SAMSN1: variants seen among roughly 807,000 people sequenced by gnomAD.
The protein encoded by SAMSN1 is SAM domain, SH3 domain and nuclear localization signals 1.
Under a neutral mutation model 42.0 loss-of-function variants are expected in SAMSN1, and 31 were observed. That is an observed-to-expected ratio of 0.74 (90% CI 0.55 to 1.00). SAMSN1 has a LOEUF of 1.00. Ranked by LOEUF, SAMSN1 falls within the 50% of genes least tolerant of loss-of-function variation. SAMSN1 has a pLI of 0.00. For missense variants in SAMSN1, 464 were observed against 439.4 expected (o/e 1.06, Z -0.50); for synonymous variants, 178 against 151.9 (o/e 1.17, Z -1.26).
At chr21:14,558,006 T>C (rs1266202183) in intron 2 of SAMSN1, among the ~76,000 whole-genome samples, 1 of 152,206 alleles carries the variant, frequency 6.6e-6, no homozygotes, top group Non-Finnish European at 1.5e-5. Flanking sequence ...AGCCTTCATG[T>C]CACCTCCACA....
intron 2 of SAMSN1, among the ~76,000 whole-genome samples, chr21:14,623,356 T>C (rs1983067304): frequency 6.6e-6 from 1 of 152,144 alleles, no homozygotes; most frequent in Non-Finnish European, 1.5e-5. Flanking sequence ...CCCATCAGCG[T>C]CAGTGTGCTG....
upstream of SAMSN1, among the ~76,000 whole-genome samples, chr21:14,549,204 A>G (rs193284480): frequency 3.1e-4 from 47 of 152,270 alleles, no homozygotes; most frequent in Non-Finnish European, 5.6e-4. Flanking sequence ...CAAAGCATAG[A>G]TAGAAGGAAA....
intron 1 of SAMSN1, among the ~76,000 whole-genome samples, chr21:14,525,385 A>G (rs1978777777): frequency 6.6e-6 from 1 of 152,214 alleles, no homozygotes; most frequent in Admixed American, 6.5e-5. Flanking sequence ...GTCGGAAAAA[A>G]TACAGACAAG....
At chr21:14,577,201 G>T (rs1196346512) in intron 2 of SAMSN1, among the ~76,000 whole-genome samples, 1 of 127,462 alleles carries the variant, frequency 7.8e-6, no homozygotes, top group East Asian at 2.3e-4. Context: ...GATTACAGGT[G>T]CATGTCACCA....
At chr21:14,554,698 C>CTTTTTTTT (rs34880996) in intron 2 of SAMSN1, among the ~76,000 whole-genome samples, 2 of 130,518 alleles carry the variant, frequency 1.5e-5, no homozygotes, top group Non-Finnish European at 3.2e-5. Flanking sequence ...TTTTCTTTTT[C>CTTTTTTTT]TTTTTTTTTT....
At chr21:14,498,337 C>A in intron 7 of SAMSN1, 105 bp downstream of exon 7, 1 of 928,102 alleles carries the variant, frequency 1.1e-6, no homozygotes. Context: ...GGAAAGCGTG[C>A]TTTCATGATC....
chr21:14,521,246 A>T (rs760344), intron 1 of SAMSN1, 25 bp from the exon 2 acceptor site: 228,759 of 1,550,558 alleles, frequency 0.15, 18,283 homozygotes, highest in African/African-American at 0.29. Context: ...AGAAAAAGCA[A>T]AGGAAACTTA....
At chr21:14,599,017 C>G (rs1356038584) in intron 6 of SAMSN1, among the ~76,000 whole-genome samples, 3 of 152,138 alleles carry the variant, frequency 2.0e-5, no homozygotes, top group Non-Finnish European at 2.9e-5. Flanking sequence ...CTGTTGTCTT[C>G]CAAGACCATA....
intron 1 of SAMSN1, among the ~76,000 whole-genome samples, chr21:14,529,737 A>G (rs188481898): frequency 7.4e-4 from 113 of 152,368 alleles, no homozygotes; most frequent in African/African-American, 2.5e-3. Flanking sequence ...TTATATTCAT[A>G]TACAAAATAA....
chr21:14,618,418 C>G (rs976579590), intron 2 of SAMSN1, among the ~76,000 whole-genome samples: 1 of 152,140 alleles, frequency 6.6e-6, no homozygotes, highest in African/African-American at 2.4e-5. Context: ...AATAATAGGT[C>G]TATTCCCTCG....
At chr21:14,636,986 C>T (rs1376117081) in intron 2 of SAMSN1, among the ~76,000 whole-genome samples, 1 of 152,178 alleles carries the variant, frequency 6.6e-6, no homozygotes, top group East Asian at 1.9e-4. Flanking sequence ...TATACTTTAA[C>T]ATCTATACTT....
intron 3 of SAMSN1, among the ~76,000 whole-genome samples, chr21:14,514,295 T>C (rs2822711): frequency 0.52 from 79,380 of 151,922 alleles, 21,086 homozygotes; most frequent in African/African-American, 0.61. Context: ...GCATTTCCTG[T>C]CATAAATCTG....
At chr21:14,631,705 C>A (rs558715829) in intron 2 of SAMSN1, among the ~76,000 whole-genome samples, 39 of 152,258 alleles carry the variant, frequency 2.6e-4, no homozygotes, top group African/African-American at 9.4e-4. Context: ...CTTCCTCCCC[C>A]CAATTTTGTG....
At chr21:14,628,471 G>A (rs1396551203) in intron 2 of SAMSN1, among the ~76,000 whole-genome samples, 1 of 151,970 alleles carries the variant, frequency 6.6e-6, no homozygotes, top group Non-Finnish European at 1.5e-5. Flanking sequence ...AAAGTTCATA[G>A]ACTAATTTTT....
upstream of SAMSN1, chr21:14,546,360 G>A: frequency 6.5e-7 from 1 of 1,533,284 alleles, no homozygotes; most frequent in Non-Finnish European, 8.7e-7. Context: ...CATCAGATAA[G>A]GTTGAGCCCA....
chr21:14,614,990 C>G (rs1982799618), intron 3 of SAMSN1, among the ~76,000 whole-genome samples: 2 of 152,108 alleles, frequency 1.3e-5, no homozygotes, highest in South Asian at 4.1e-4. Flanking sequence ...GTTTTGGTAG[C>G]CTATATTCTG....
intron 2 of SAMSN1, among the ~76,000 whole-genome samples, chr21:14,576,334 C>A (rs915652644): frequency 6.6e-5 from 10 of 152,030 alleles, no homozygotes; most frequent in Admixed American, 3.9e-4. Context: ...GTCAGAGAGA[C>A]CGAGGGAGAC....
At chr21:14,494,193 A>G (rs148501732) in intron 7 of SAMSN1, among the ~76,000 whole-genome samples, 1 of 152,344 alleles carries the variant, frequency 6.6e-6, no homozygotes, top group East Asian at 1.9e-4. Flanking sequence ...CATTTGACCC[A>G]GCAATCCCAT....
At chr21:14,639,347 C>A (rs1983541441) in intron 2 of SAMSN1, among the ~76,000 whole-genome samples, 1 of 152,106 alleles carries the variant, frequency 6.6e-6, no homozygotes, top group Non-Finnish European at 1.5e-5. Flanking sequence ...CTCGTGAGGA[C>A]CTTCTTCCTG....
Sources: gnomAD v4.1 joint callset for allele counts (sites outside exome capture counted in the v4.1 genomes callset) on GRCh38, gnomAD v4.1.1 for gene constraint, MANE v1.5 for transcripts, NCBI Gene and HGNC (gene_info 2026-07-23, HGNC 2026-07-21) for gene names.